PLEKHA2: variants seen among roughly 807,000 people sequenced by gnomAD.
The protein encoded by PLEKHA2 is pleckstrin homology domain-containing family A member 2.
In PLEKHA2, 28 loss-of-function variants were observed where a neutral mutation model predicts 53.2. The ratio of observed to expected loss-of-function variants is 0.53; its 90% CI spans 0.39 to 0.72. The LOEUF is 0.72. PLEKHA2 is among the 30% of genes least tolerant of loss of function. PLEKHA2 has a pLI of 0.00. For synonymous variants in PLEKHA2, 193 were observed against 196.4 expected (o/e 0.98, Z 0.14); for missense variants, 426 against 537.9 (o/e 0.79, Z 2.06).
At chr8:38,965,450 G>A (rs1161369812) in intron 10 of PLEKHA2, among the ~76,000 whole-genome samples, 1 of 152,126 alleles carries the variant, frequency 6.6e-6, no homozygotes, top group Non-Finnish European at 1.5e-5. Context: ...GGATGTTCCT[G>A]TCTGTTTAAT....
chr8:38,912,620 G>A (rs985583900), intron 1 of PLEKHA2, among the ~76,000 whole-genome samples: 6 of 152,186 alleles, frequency 3.9e-5, no homozygotes, highest in Non-Finnish European at 8.8e-5. Flanking sequence ...CAGAGGAGGC[G>A]AGGACAGTGG....
intron 2 of PLEKHA2, among the ~76,000 whole-genome samples, chr8:38,918,643 CACAT>C (rs1175956151): frequency 1.4e-4 from 6 of 43,326 alleles, no homozygotes; most frequent in East Asian, 6.6e-4. Flanking sequence ...CACAGAGACA[CACAT>C]ACACCATACA....
chr8:38,916,423 C>G, intron 1 of PLEKHA2, among the ~76,000 whole-genome samples: 1 of 152,178 alleles, frequency 6.6e-6, no homozygotes, highest in Non-Finnish European at 1.5e-5. Context: ...CCCCACTACC[C>G]TTCCCAGCCT....
At chr8:38,952,734 A>G (rs781558994) in intron 8 of PLEKHA2, 30 bp downstream of exon 8, 13 of 1,597,838 alleles carry the variant, frequency 8.1e-6, no homozygotes, top group Non-Finnish European at 1.1e-5. Context: ...CCCTTCTGAG[A>G]GGTCATGGAA....
chr8:38,964,901 AGGTCTT>A (rs1323090096), intron 10 of PLEKHA2, among the ~76,000 whole-genome samples: 5 of 105,100 alleles, frequency 4.8e-5, no homozygotes, highest in Non-Finnish European at 6.9e-5. Context: ...TAGGGAGAAG[AGGTCTT>A]GCTCTGTTGC....
chr8:38,944,440 C>G (rs1022795106), intron 4 of PLEKHA2, among the ~76,000 whole-genome samples: 1 of 151,898 alleles, frequency 6.6e-6, no homozygotes, highest in Admixed American at 6.6e-5. Flanking sequence ...TCTCTTGAAC[C>G]CAGGAGGCGG....
chr8:38,946,166 A>G lies in PLEKHA2; in HGVS notation c.290A>G (p.Asp97Gly), dbSNP rs1834710134. ...CAGAGATATTTCCTTCAAGCCAATG[A>G]TCAGAAAGATATGAAGGACTGGGTT... The part of the protein sequence containing the change: ...LSQRYFLQAN[D>G]QKDMKDWVEA... Residue 97 changes from aspartate (D) to glycine (G), a missense_variant, in exon 5 of 12, where the codon GAT becomes GGT. By Grantham distance (94) the Asp-to-Gly change is moderately conservative. Coordinates refer to ENST00000617275, the MANE Select transcript of PLEKHA2 (RefSeq NM_021623.2). 1 of 1,608,968 alleles carries G rather than the reference A, an allele frequency of 6.2e-7. No individual in the cohort carries two copies. The highest frequency in any genetic ancestry group is 8.5e-7 in the Non-Finnish European group (1 of 1,177,544).
At chr8:38,927,165 G>A (rs1432354906) in intron 2 of PLEKHA2, among the ~76,000 whole-genome samples, 1 of 152,024 alleles carries the variant, frequency 6.6e-6, no homozygotes, top group Non-Finnish European at 1.5e-5. Context: ...TTTGTTCAAT[G>A]TATTTATTAT....
chr8:38,942,786 G>A (rs1332723830), intron 3 of PLEKHA2, among the ~76,000 whole-genome samples: 1 of 152,186 alleles, frequency 6.6e-6, no homozygotes, highest in Non-Finnish European at 1.5e-5. Context: ...AGATACTCAG[G>A]AGTGTACATG....
At chr8:38,959,972 C>T (rs1279596470) in intron 10 of PLEKHA2, among the ~76,000 whole-genome samples, 1 of 152,190 alleles carries the variant, frequency 6.6e-6, no homozygotes, top group Non-Finnish European at 1.5e-5. Context: ...CACTGCTTGG[C>T]ATGTTGCTGA....
intron 2 of PLEKHA2, among the ~76,000 whole-genome samples, chr8:38,920,863 C>A (rs12678099): frequency 6.6e-6 from 1 of 151,554 alleles, no homozygotes; most frequent in Non-Finnish European, 1.5e-5. Context: ...TGCAATGGCG[C>A]GATCTCAGCT....
chr8:38,903,295 G>A (rs944309137), intron 1 of PLEKHA2, among the ~76,000 whole-genome samples: 4 of 152,338 alleles, frequency 2.6e-5, no homozygotes, highest in Admixed American at 2.6e-4. Flanking sequence ...CTGGTAATGG[G>A]AGCCTTGCTC....
In PLEKHA2 at chr8:38,969,639, G is replaced by T; in HGVS notation, c.1134G>T (p.Leu378Phe). Residue 378 changes from leucine (L) to phenylalanine (F), a missense_variant, in exon 12 of 12, where the codon TTG becomes TTT. Coordinates refer to ENST00000617275, the MANE Select transcript of PLEKHA2 (RefSeq NM_021623.2). ...LPPGDTSEDS[L>F]FTPRPGEGSA... is the part of the protein sequence containing the mutation. ...CTGGAGACACTTCAGAGGACTCCTT[G>T]TTCACGCCTCGTCCTGGGGAGGGCA... 1 of 1,601,802 alleles carries T rather than the reference G, an allele frequency of 6.2e-7. No homozygotes were observed. Among genetic ancestry groups the T allele is most frequent in the Admixed American group, 1.7e-5 (1 of 57,978 alleles).
chr8:38,969,466 T>A lies in PLEKHA2; in HGVS notation c.961T>A (p.Ser321Thr). Residue 321 changes from serine to threonine, a missense_variant, in exon 12 of 12, where the codon TCC becomes ACC. By Grantham distance (58) the Ser-to-Thr change is moderately conservative (BLOSUM62 1). Coordinates refer to ENST00000617275, the MANE Select transcript of PLEKHA2 (RefSeq NM_021623.2). Reference protein sequence around the residue: ...RSISLTRPGSSSLSSGPNSIL... With the variant: ...RSISLTRPGSTSLSSGPNSIL... ...CATTTCTTTGACCCGACCTGGAAGC[T>A]CCAGCCTTTCAAGTGGGCCCAACTC... The A allele has an allele frequency of 1.9e-6, 3 of 1,613,874 alleles. No homozygotes were observed. Among genetic ancestry groups the A allele is most frequent in the Non-Finnish European group, 2.5e-6 (3 of 1,179,842 alleles).
In PLEKHA2 at chr8:38,954,044, G is replaced by A. The variant is rs138916090; in HGVS notation, c.773+677G>A. 7.9e-3 allele frequency among the ~76,000 whole-genome samples: 1,197 copies of A among 152,252 alleles called. 8 individuals carry two copies. The highest frequency in any genetic ancestry group is 0.014 in the Non-Finnish European group (944 of 68,012). ...CTTTAGAGACCCTAAGGGTATTGGG[G>A]CATCCAAAAACCCTTTTTCTGGCCA... On this transcript the variant is annotated intron_variant, in intron 9 of 11. Coordinates refer to ENST00000617275, the MANE Select transcript of PLEKHA2 (RefSeq NM_021623.2).
At chr8:38,905,718 C>T (rs1409062384) in intron 1 of PLEKHA2, among the ~76,000 whole-genome samples, 1 of 149,086 alleles carries the variant, frequency 6.7e-6, no homozygotes, top group Non-Finnish European at 1.5e-5. Context: ...AGAGTCTCGC[C>T]CTGTCGCCCA....
At chr8:38,955,935 C>T (rs563397081) in intron 9 of PLEKHA2, among the ~76,000 whole-genome samples, 3 of 152,252 alleles carry the variant, frequency 2.0e-5, no homozygotes, top group South Asian at 2.1e-4. Context: ...CTCAGCCTCC[C>T]GAGTAGCTGG....
chr8:38,927,313 T>C (rs1455405830), intron 2 of PLEKHA2, among the ~76,000 whole-genome samples: 3 of 151,972 alleles, frequency 2.0e-5, no homozygotes, highest in Non-Finnish European at 4.4e-5. Context: ...CTGGGCAACA[T>C]AGGAAGACCC....
In PLEKHA2 at chr8:38,931,064, T is replaced by G. The variant is rs181108689; in HGVS notation, c.142-4930T>G. 2.2e-3 allele frequency among the ~76,000 whole-genome samples: 338 copies of G among 152,258 alleles called. 5 individuals are homozygous for G. Among genetic ancestry groups the G allele is most frequent in the Admixed American group, 0.019 (293 of 15,294 alleles). Reference sequence around the variant, plus strand: ...AGGCCAGGGCGGGCGGATCACCTGATGTCAGGAGTTTGAGATCAGCCTGGC... The same window carrying G: ...AGGCCAGGGCGGGCGGATCACCTGAGGTCAGGAGTTTGAGATCAGCCTGGC... On this transcript the variant is annotated intron_variant, in intron 2 of 11. Transcript: ENST00000617275.
Sources: gnomAD v4.1 joint callset for allele counts (sites outside exome capture counted in the v4.1 genomes callset) on GRCh38, gnomAD v4.1.1 for gene constraint, MANE v1.5 for transcripts, NCBI Gene and HGNC (gene_info 2026-07-23, HGNC 2026-07-21) for gene names.